The following ADGRL2 variants were observed in gnomAD, a reference collection of about 807,000 sequenced individuals.
The protein encoded by ADGRL2 is calcium-independent alpha-latrotoxin receptor 2.
In ADGRL2, 44 loss-of-function variants were observed where a neutral mutation model predicts 157.4. The ratio of observed to expected loss-of-function variants is 0.28; its 90% CI spans 0.22 to 0.36. The LOEUF (loss-of-function observed/expected upper bound fraction) is 0.36, where lower values mean the gene tolerates loss of function less well. Among genes scored for constraint, ADGRL2 ranks in the 10% least tolerant of loss-of-function variants. The pLI, the probability that ADGRL2 is intolerant of heterozygous loss-of-function variation, is 1.00. For missense variants in ADGRL2, 1,510 were observed against 1,768.9 expected (o/e 0.85, Z 2.63); for synonymous variants, 585 against 624.7 (o/e 0.94, Z 0.95).
At chr1:81,562,762 T>C (rs914260268) in intron 2 of ADGRL2, among the ~76,000 whole-genome samples, 1 of 152,144 alleles carries the variant, frequency 6.6e-6, no homozygotes, top group Non-Finnish European at 1.5e-5. Context: ...ACCTGTCTAG[T>C]ATTTAGAGAA....
At chr1:81,346,452 T>A (rs1662488112) in intron 1 of ADGRL2, among the ~76,000 whole-genome samples, 1 of 152,334 alleles carries the variant, frequency 6.6e-6, no homozygotes, top group Admixed American at 6.5e-5. Flanking sequence ...AGGCTACTAT[T>A]AACTTGTGTC....
At chr1:81,377,875 G>A (rs1254133093) in intron 1 of ADGRL2, among the ~76,000 whole-genome samples, 1 of 152,022 alleles carries the variant, frequency 6.6e-6, no homozygotes, top group African/African-American at 2.4e-5. Context: ...TAATAATAAT[G>A]TGCATATTGA....
chr1:81,656,415 T>C (rs550548959), intron 3 of ADGRL2, among the ~76,000 whole-genome samples: 1 of 152,310 alleles, frequency 6.6e-6, no homozygotes, highest in Non-Finnish European at 1.5e-5. Context: ...GATTCTGAAG[T>C]ATAGATAGAC....
intron 1 of ADGRL2, among the ~76,000 whole-genome samples, chr1:81,403,758 A>T (rs1232039416): frequency 6.6e-6 from 1 of 151,586 alleles, no homozygotes; most frequent in Admixed American, 6.6e-5. Context: ...TCTTCCTAGG[A>T]TGACAGAGAG....
intron 3 of ADGRL2, among the ~76,000 whole-genome samples, chr1:81,690,675 C>T (rs2083313808): frequency 6.6e-6 from 1 of 152,092 alleles, no homozygotes; most frequent in Admixed American, 6.5e-5. Flanking sequence ...CAGGATTGGC[C>T]ACCTGCCTTA....
intron 2 of ADGRL2, among the ~76,000 whole-genome samples, chr1:81,493,130 A>G (rs140423394): frequency 2.4e-4 from 36 of 152,328 alleles, no homozygotes; most frequent in African/African-American, 8.2e-4. Context: ...TCTAAGAAGC[A>G]GAGTCATTCA....
chr1:81,859,009 CTA>C (rs2093302978), intron 2 of ADGRL2, among the ~76,000 whole-genome samples: 1 of 152,026 alleles, frequency 6.6e-6, no homozygotes, highest in South Asian at 2.1e-4. Context: ...ATATATACCT[CTA>C]TGAAATTAAT....
chr1:81,323,501 C>T (rs183299197), intron 1 of ADGRL2, among the ~76,000 whole-genome samples: 2 of 148,784 alleles, frequency 1.3e-5, no homozygotes, highest in East Asian at 4.1e-4. Context: ...AATCCTCCTA[C>T]CTCAGACTCC....
chr1:81,524,654 C>A (rs2079409358), intron 2 of ADGRL2, among the ~76,000 whole-genome samples: 1 of 152,082 alleles, frequency 6.6e-6, no homozygotes, highest in African/African-American at 2.4e-5. Context: ...AAATACTAAA[C>A]ATTTTTTAAT....
At chr1:81,418,881 C>A (rs182658151) in intron 1 of ADGRL2, among the ~76,000 whole-genome samples, 1 of 152,156 alleles carries the variant, frequency 6.6e-6, no homozygotes, top group Non-Finnish European at 1.5e-5. Flanking sequence ...AGAATCTATA[C>A]TTTGATCATT....
chr1:81,446,650 C>T (rs1012800934), intron 2 of ADGRL2, among the ~76,000 whole-genome samples: 22 of 152,176 alleles, frequency 1.4e-4, no homozygotes, highest in African/African-American at 5.3e-4. Flanking sequence ...CCAGGGATGG[C>T]TTACACAGTC....
At chr1:81,629,291 T>C (rs956927461) in intron 3 of ADGRL2, among the ~76,000 whole-genome samples, 1 of 152,216 alleles carries the variant, frequency 6.6e-6, no homozygotes, top group Admixed American at 6.5e-5. Context: ...ATATTTTTCC[T>C]TAGTATTAAA....
chr1:81,823,458 G>A (rs1373842455), intron 1 of ADGRL2, among the ~76,000 whole-genome samples: 1 of 141,110 alleles, frequency 7.1e-6, no homozygotes, highest in Non-Finnish European at 1.5e-5. Context: ...GTTTCTTATT[G>A]TCAAAAACAT....
intron 3 of ADGRL2, among the ~76,000 whole-genome samples, chr1:81,619,731 A>ATGTGTGTG (rs34153343): frequency 1.3e-5 from 2 of 149,446 alleles, no homozygotes; most frequent in African/African-American, 4.9e-5. Context: ...GGGTGTGTGT[A>ATGTGTGTG]TGTGTGTGTG....
At chr1:81,970,292 T>G (rs766603261) in intron 15 of ADGRL2, 22 bp from the exon 16 acceptor site, 2 of 1,562,442 alleles carry the variant, frequency 1.3e-6, no homozygotes, top group Admixed American at 3.4e-5. Flanking sequence ...TCTTTTGTGT[T>G]TTTTGTTCTT....
At chr1:81,484,827 G>C (rs1015793604) in intron 2 of ADGRL2, among the ~76,000 whole-genome samples, 1 of 151,970 alleles carries the variant, frequency 6.6e-6, no homozygotes. Context: ...ATTGATACTG[G>C]AGGATTTACA....
At chr1:81,491,464 T>G (rs1300445145) in intron 2 of ADGRL2, among the ~76,000 whole-genome samples, 1 of 151,952 alleles carries the variant, frequency 6.6e-6, no homozygotes, top group African/African-American at 2.4e-5. Context: ...CTACTCAAGA[T>G]TATATATTTG....
At chr1:81,758,280 C>G (rs1028252696) in intron 1 of ADGRL2, among the ~76,000 whole-genome samples, 2 of 152,074 alleles carry the variant, frequency 1.3e-5, no homozygotes, top group African/African-American at 4.8e-5. Context: ...ACAAGTCTAA[C>G]ATAAGCAGCA....
intron 3 of ADGRL2, among the ~76,000 whole-genome samples, chr1:81,649,636 C>G (rs1021196860): frequency 8.5e-5 from 13 of 152,140 alleles, no homozygotes; most frequent in African/African-American, 2.7e-4. Context: ...AACAGTTAAC[C>G]CTTTCTGGGT....
Sources: gnomAD v4.1 joint callset for allele counts (sites outside exome capture counted in the v4.1 genomes callset) on GRCh38, gnomAD v4.1.1 for gene constraint, MANE v1.5 for transcripts, NCBI Gene and HGNC (gene_info 2026-07-23, HGNC 2026-07-21) for gene names.